The following HSPA12A variants were observed in gnomAD, a reference collection of about 807,000 sequenced individuals.
HSPA12A encodes the protein heat shock protein family A (Hsp70) member 12A, also known as heat shock 70 kDa protein 12A.
A neutral mutation model predicts 69.2 loss-of-function variants in HSPA12A; 28 were observed. That is an observed-to-expected ratio of 0.40 (90% CI 0.30 to 0.55). The LOEUF is 0.55. Ranked by LOEUF, HSPA12A falls within the 20% of genes least tolerant of loss-of-function variation. The pLI, the probability that HSPA12A is intolerant of heterozygous loss-of-function variation, is 0.38. For synonymous variants in HSPA12A, 345 were observed against 370.5 expected (o/e 0.93, Z 0.79); for missense variants, 686 against 900.7 (o/e 0.76, Z 3.05).
chr10:116,765,993 C>T (rs972109425), intron 2 of HSPA12A, among the ~76,000 whole-genome samples: 5 of 152,224 alleles, frequency 3.3e-5, no homozygotes, highest in Admixed American at 2.0e-4. Flanking sequence ...GTGGCTCCAA[C>T]GCACGGATGA....
chr10:116,799,775 T>G (rs1179696807), intron 2 of HSPA12A, among the ~76,000 whole-genome samples: 1 of 152,184 alleles, frequency 6.6e-6, no homozygotes, highest in African/African-American at 2.4e-5. Flanking sequence ...TCCAAGTGCT[T>G]CACACCAGGT....
chr10:116,678,078 T>C (rs1849291426), intron 10 of HSPA12A, among the ~76,000 whole-genome samples: 1 of 151,870 alleles, frequency 6.6e-6, no homozygotes, highest in Non-Finnish European at 1.5e-5. Context: ...ACCAAACCAC[T>C]GAGGAGCCAA....
chr10:116,810,193 G>A (rs1845150133), intron 2 of HSPA12A, among the ~76,000 whole-genome samples: 1 of 152,042 alleles, frequency 6.6e-6, no homozygotes, highest in Admixed American at 6.6e-5. Flanking sequence ...TATTAATTTC[G>A]ATTCTCTGGT....
chr10:116,781,446 T>C (rs1844461351), intron 2 of HSPA12A, among the ~76,000 whole-genome samples: 1 of 152,166 alleles, frequency 6.6e-6, no homozygotes, highest in Admixed American at 6.5e-5. Context: ...TCTGGCTCTC[T>C]AGTTTACCCC....
intron 2 of HSPA12A, among the ~76,000 whole-genome samples, chr10:116,833,853 C>T (rs1004772269): frequency 6.6e-6 from 1 of 152,108 alleles, no homozygotes; most frequent in Non-Finnish European, 1.5e-5. Context: ...TGTTGTTTTT[C>T]ACCTAAAGCA....
chr10:116,789,782 G>A (rs1430408749), intron 2 of HSPA12A, among the ~76,000 whole-genome samples: 1 of 152,148 alleles, frequency 6.6e-6, no homozygotes, highest in African/African-American at 2.4e-5. Context: ...AGGGCCTAAT[G>A]TCTGCTTCTA....
chr10:116,677,976 AATTG>A, intron 10 of HSPA12A, among the ~76,000 whole-genome samples: 1 of 116,894 alleles, frequency 8.6e-6, no homozygotes, highest in East Asian at 2.9e-4. Context: ...GATACTAGGA[AATTG>A]ATTCTTTTTT....
At chr10:116,850,164 G>A, upstream of HSPA12A, 1 of 252,096 alleles carries the variant, frequency 4.0e-6, no homozygotes, top group Non-Finnish European at 7.9e-6. Flanking sequence ...CTTGGCGTTT[G>A]CTACAACTTG....
At chr10:116,780,041 T>C (rs1844429793) in intron 2 of HSPA12A, among the ~76,000 whole-genome samples, 2 of 152,194 alleles carry the variant, frequency 1.3e-5, no homozygotes, top group Admixed American at 6.5e-5. Flanking sequence ...CAGAGCAAGC[T>C]GTTTGGGCAC....
chr10:116,748,619 A>G (rs1457671453), intron 2 of HSPA12A, among the ~76,000 whole-genome samples: 3 of 152,196 alleles, frequency 2.0e-5, no homozygotes, highest in Admixed American at 6.5e-5. Context: ...ACAGTTCCAC[A>G]TGGCTGGGGA....
At chr10:116,826,501 G>C (rs2133204054) in intron 2 of HSPA12A, among the ~76,000 whole-genome samples, 1 of 152,340 alleles carries the variant, frequency 6.6e-6, no homozygotes, top group East Asian at 1.9e-4. Context: ...AGATGCGTGA[G>C]TGTCACCGCC....
rs149688681 is a variant in HSPA12A, at chr10:116,760,939, A to G, written c.92-53654T>C. On this transcript the variant is annotated intron_variant, in intron 2 of 12. Transcript: ENST00000635765. ...CGGAGATAAAGGATAAAACACATGC[A>G]AATATGCGCTCAACTAGAGAAGCCA... Among the ~76,000 whole-genome samples the G allele has an allele frequency of 1.6e-4, 24 of 152,334 alleles. 1 individual carries two copies. The East Asian group carries it at 4.6e-3, about 29-fold the overall frequency.
At position 116,671,733 on chromosome 10, in the gene HSPA12A, A is replaced by G. The variant is rs1343080119; in HGVS notation, c.*3048T>C. The G allele has an allele frequency of 2.6e-5, 4 of 152,672 alleles. No homozygotes were observed. The highest frequency in any genetic ancestry group is 7.2e-5 in the African/African-American group (3 of 41,462). 9.5% of individuals were successfully genotyped at this position (152,672 alleles called of 1,614,324 possible). A position where few individuals can be genotyped will look rare whatever the true frequency, so the allele number is the denominator to read the frequency against. Reference sequence around the variant, plus strand: ...CATGCCTGCTGTGTACGGAAAGGGCAGTTACAAAGGAAAGCCTTGATGATT... The same window carrying G: ...CATGCCTGCTGTGTACGGAAAGGGCGGTTACAAAGGAAAGCCTTGATGATT... On this transcript the variant is annotated 3_prime_UTR_variant, in exon 12 of 12. Transcript: ENST00000369209.
chr10:116,728,769 G>A (rs1403818952), intron 1 of HSPA12A, among the ~76,000 whole-genome samples: 18 of 152,300 alleles, frequency 1.2e-4, no homozygotes, highest in African/African-American at 4.1e-4. Context: ...TTTTAAAAGA[G>A]AACACTAAAG....
intron 1 of HSPA12A, chr10:116,835,056 A>T: frequency 2.5e-6 from 3 of 1,203,612 alleles, no homozygotes; most frequent in Non-Finnish European, 3.1e-6. Flanking sequence ...GCACTGTGAA[A>T]ATGTCGATTT....
At position 116,674,610 on chromosome 10, in the gene HSPA12A, AG is replaced by A; in HGVS notation, c.*170del. On this transcript the variant is annotated 3_prime_UTR_variant, in exon 12 of 12. Transcript: ENST00000369209. ...TCTTAATTTCTGTTTTTCTGACTCCAGTGTGCCCTCAAAAGTCACTAATTAT... is the reference window on the plus strand; with the variant it reads ...TCTTAATTTCTGTTTTTCTGACTCCATGTGCCCTCAAAAGTCACTAATTAT... 1.5e-6 allele frequency: 1 copy of A among 658,374 alleles called. No individual in the cohort carries two copies. The highest frequency in any genetic ancestry group is 1.8e-5 in the African/African-American group (1 of 55,132). The allele number at this position is 658,374 out of a possible 1,614,324, so 40.8% of individuals were successfully genotyped here.
At chr10:116,750,485 C>G (rs1554888219) in intron 2 of HSPA12A, 1 of 504,256 alleles carries the variant, frequency 2.0e-6, no homozygotes, top group Non-Finnish European at 3.7e-6. Context: ...AGAAGTGCAT[C>G]GAAAGCACAT....
At chr10:116,759,508 T>A (rs1843924969) in intron 2 of HSPA12A, among the ~76,000 whole-genome samples, 1 of 152,228 alleles carries the variant, frequency 6.6e-6, no homozygotes, top group South Asian at 2.1e-4. Flanking sequence ...GGAGTTACCT[T>A]AATTGGTTTA....
intron 2 of HSPA12A, among the ~76,000 whole-genome samples, chr10:116,752,213 C>T (rs1022659833): frequency 6.6e-6 from 1 of 152,160 alleles, no homozygotes; most frequent in African/African-American, 2.4e-5. Context: ...CACCCAGAGC[C>T]GGTCTGCTTA....
Sources: allele counts gnomAD v4.1 joint callset (sites outside exome capture counted in the v4.1 genomes callset), GRCh38; gene constraint gnomAD v4.1.1; transcripts MANE v1.5; gene names NCBI Gene and HGNC (gene_info 2026-07-23, HGNC 2026-07-21).